The following KBTBD2 variants were observed in gnomAD, a reference collection of about 807,000 sequenced individuals.
KBTBD2 encodes the protein kelch repeat and BTB domain containing 2.
Under a neutral mutation model 57.1 loss-of-function variants are expected in KBTBD2, and 17 were observed. That is an observed-to-expected ratio of 0.30 (90% CI 0.20 to 0.45). The LOEUF (loss-of-function observed/expected upper bound fraction) is 0.45. Ranked by LOEUF, KBTBD2 falls within the 20% of genes least tolerant of loss-of-function variation. The pLI, the probability that KBTBD2 is intolerant of heterozygous loss-of-function variation, is 1.00. For synonymous variants in KBTBD2, 267 were observed against 262.7 expected (o/e 1.02, Z -0.16); for missense variants, 515 against 750.6 (o/e 0.69, Z 3.67).
chr7:32,884,296 T>C (rs1402866143), intron 1 of KBTBD2, among the ~76,000 whole-genome samples: 1 of 151,972 alleles, frequency 6.6e-6, no homozygotes, highest in East Asian at 1.9e-4. Context: ...GAGGGTACCT[T>C]GAGGCCAAGA....
rs1367967386 is a variant in KBTBD2 at position 32,868,605 on chromosome 7, G to C, written c.*740C>G. 1 of 152,582 alleles carries C rather than the reference G, an allele frequency of 6.6e-6. No individual in the cohort carries two copies. Among genetic ancestry groups the C allele is most frequent in the South Asian group, 2.1e-4 (1 of 4,824 alleles). The allele number at this position is 152,582 out of a possible 1,614,324, so 9.5% of individuals were successfully genotyped here. On this transcript the variant is annotated 3_prime_UTR_variant, in exon 4 of 4. Transcript: ENST00000304056. ...CCAATGTTAACATAATACAGAAAGTGGAGGCTTTTTCTGATTAAAGCTCCA... is the reference window on the plus strand; with the variant it reads ...CCAATGTTAACATAATACAGAAAGTCGAGGCTTTTTCTGATTAAAGCTCCA...
upstream of KBTBD2, chr7:32,891,884 C>CG (rs1784764141): frequency 7.9e-6 from 1 of 127,228 alleles, no homozygotes; most frequent in African/African-American, 3.0e-5. Context: ...GCCCGCCGCC[C>CG]CCGCCGCCCC....
rs1425719349 is a variant in KBTBD2, at chr7:32,869,814, C to T, written c.1403G>A (p.Gly468Asp). The T allele has an allele frequency of 6.2e-7, 1 of 1,613,808 alleles. No homozygotes were observed. Among genetic ancestry groups the T allele is most frequent in the Admixed American group, 1.7e-5 (1 of 60,012 alleles). Residue 468 changes from glycine to aspartate, a missense_variant, in exon 4 of 4, where the codon GGT becomes GAT. By Grantham distance (94) the Gly-to-Asp change is moderately conservative. Transcript: ENST00000304056. ...CCCTCCAATATAGAAAATTTTATCA[C>T]CAAAAGCTGCAGCTGAAGCAAAGGA... Reference protein sequence around the residue: ...SRSFASAAAFGDKIFYIGGLH... With the variant: ...SRSFASAAAFDDKIFYIGGLH...
chr7:32,882,756 G>A lies in KBTBD2; in HGVS notation c.-338-2814C>T, dbSNP rs532014189. ...CCCAGCACTTTGGGAGGCTGAGGTC[G>A]GTGGATCACTTGAGGTCAGGAGTTC... On this transcript the variant is annotated intron_variant, in intron 1 of 3. Transcript: ENST00000304056. 5.9e-5 allele frequency among the ~76,000 whole-genome samples: 9 copies of A among 152,256 alleles called. No homozygotes were observed. The East Asian group carries it at 7.7e-4, about 13-fold the overall frequency.
chr7:32,892,125 A>G (rs1784774979), upstream of KBTBD2: 3 of 151,524 alleles, frequency 2.0e-5, no homozygotes. Flanking sequence ...GCCGGATGCC[A>G]CCGGAAAGCC....
chr7:32,891,437 C>G (rs1237962997), intron 1 of KBTBD2, 99 bp downstream of exon 1: 1 of 150,668 alleles, frequency 6.6e-6, no homozygotes, highest in Non-Finnish European at 1.5e-5. Flanking sequence ...CGCCGAGCCA[C>G]AAAGGGCCGA....
intron 2 of KBTBD2, among the ~76,000 whole-genome samples, chr7:32,878,684 T>A (rs1186714206): frequency 1.8e-4 from 27 of 152,304 alleles, no homozygotes; most frequent in Middle Eastern, 3.4e-3. Context: ...CAGGTCCACA[T>A]TTAATTCACC....
Position 32,869,307 on chromosome 7 carries a change from A to C in KBTBD2, c.*38T>G, listed in dbSNP as rs1228910562. On this transcript the variant is annotated 3_prime_UTR_variant, in exon 4 of 4. Transcript: ENST00000304056. Reference sequence around the variant, plus strand: ...TTTTGTTTAGCAAAGAAAATGACAAAGCACATAACTCAGGCGTGCACTCCC... The same window carrying C: ...TTTTGTTTAGCAAAGAAAATGACAACGCACATAACTCAGGCGTGCACTCCC... 7.2e-7 allele frequency: 1 copy of C among 1,398,552 alleles called. No individual in the cohort carries two copies. Among genetic ancestry groups the C allele is most frequent in the Non-Finnish European group, 9.8e-7 (1 of 1,023,716 alleles). The allele number at this position is 1,398,552 out of a possible 1,614,324, so 86.6% of individuals were successfully genotyped here. A position where few individuals can be genotyped will look rare whatever the true frequency, so the allele number is the denominator to read the frequency against.
At position 32,869,674 on chromosome 7, in the gene KBTBD2, T is replaced by C. The variant is rs1583769603; in HGVS notation, c.1543A>G (p.Ile515Val). 1 of 1,614,040 alleles carries C rather than the reference T, an allele frequency of 6.2e-7. No homozygotes were observed. The highest frequency in any genetic ancestry group is 1.3e-5 in the African/African-American group (1 of 74,926). Residue 515 changes from isoleucine (I) to valine (V), a missense_variant, in exon 4 of 4, where the codon ATC becomes GTC. Coordinates refer to ENST00000304056, the MANE Select transcript of KBTBD2 (RefSeq NM_015483.3). Reference protein sequence around the residue: ...NKNEWKMAANIPAKRYSDPCV... With the variant: ...NKNEWKMAANVPAKRYSDPCV... ...GGGTCAGAGTACCTCTTAGCAGGGA[T>C]GTTGGCTGCCATTTTCCACTCATTT...
At chr7:32,873,211 A>G (rs1171594456) in intron 3 of KBTBD2, among the ~76,000 whole-genome samples, 1 of 152,192 alleles carries the variant, frequency 6.6e-6, no homozygotes, top group Non-Finnish European at 1.5e-5. Context: ...GGGGAAATAA[A>G]GAGTAAAACA....
intron 2 of KBTBD2, among the ~76,000 whole-genome samples, chr7:32,877,924 C>T (rs1784352608): frequency 6.6e-6 from 1 of 151,488 alleles, no homozygotes; most frequent in Non-Finnish European, 1.5e-5. Context: ...GCGTGGGCAA[C>T]ATGGTGAAAC....
rs1262068770 is a variant in KBTBD2, at chr7:32,868,769, C to T, written c.*576G>A. 6.5e-6 allele frequency: 1 copy of T among 152,726 alleles called. No homozygotes were observed. The highest frequency in any genetic ancestry group is 1.5e-5 in the Non-Finnish European group (1 of 68,132). The allele number at this position is 152,726 out of a possible 1,614,324, so 9.5% of individuals were successfully genotyped here. On this transcript the variant is annotated 3_prime_UTR_variant, in exon 4 of 4. Transcript: ENST00000304056. The stretch of plus-strand genomic sequence containing the variant: ...TAAGTTAGTGAAAAGAGAATACATG[C>T]ACCTAATAGTATAGTTAGACTGATC...
intron 1 of KBTBD2, among the ~76,000 whole-genome samples, chr7:32,881,263 A>C (rs1049519685): frequency 5.9e-5 from 9 of 152,154 alleles, no homozygotes; most frequent in Admixed American, 1.3e-4. Context: ...CAAAAAAAAA[A>C]ACCAAAATTC....
In KBTBD2 at chr7:32,870,262, A is replaced by G; in HGVS notation, c.955T>C (p.Tyr319His). ...AGAGGAACTTGACCCCCTGCTATGT[A>G]GATATCATTATCAGGAGTTACAACG... The part of the protein sequence containing the change: ...GTVVTPDNDI[Y>H]IAGGQVPLKN... The change falls in exon 4 of 4, where the codon TAC becomes CAC. Residue 319 changes from tyrosine (Y) to histidine (H), a missense_variant. Coordinates refer to ENST00000304056, the MANE Select transcript of KBTBD2 (RefSeq NM_015483.3). The G allele has an allele frequency of 6.2e-7, 1 of 1,614,172 alleles. No individual in the cohort carries two copies. The highest frequency in any genetic ancestry group is 1.7e-5 in the Admixed American group (1 of 60,030).
At chr7:32,887,651 A>C (rs923920458) in intron 1 of KBTBD2, among the ~76,000 whole-genome samples, 4 of 152,252 alleles carry the variant, frequency 2.6e-5, no homozygotes, top group African/African-American at 9.6e-5. Context: ...GGAGTGCTGC[A>C]TCTCCCAATG....
intron 1 of KBTBD2, among the ~76,000 whole-genome samples, chr7:32,889,399 G>A (rs1246811676): frequency 6.6e-6 from 1 of 152,004 alleles, no homozygotes; most frequent in African/African-American, 2.4e-5. Context: ...TCAGGAGCTC[G>A]AGACCAGCCT....
rs1784400542 is a variant in KBTBD2, at chr7:32,879,643, A to C, written c.-39T>G. Reference sequence around the variant, plus strand: ...TAATATCTCCAGGAACAGATTAGAAAAGTCCGTCTTACTGATGGAAGGTCA... The same window carrying C: ...TAATATCTCCAGGAACAGATTAGAACAGTCCGTCTTACTGATGGAAGGTCA... On this transcript the variant is annotated 5_prime_UTR_variant, in exon 2 of 4. Transcript: ENST00000304056. 3.2e-6 allele frequency: 5 copies of C among 1,568,438 alleles called. No individual in the cohort carries two copies. The highest frequency in any genetic ancestry group is 4.4e-6 in the Non-Finnish European group (5 of 1,146,684).
Position 32,869,173 on chromosome 7 carries a change from AAG to A in KBTBD2, c.*170_*171del, listed in dbSNP as rs1327595436. 2 of 540,066 alleles carry A rather than the reference AAG, an allele frequency of 3.7e-6. No homozygotes were observed. Among genetic ancestry groups the A allele is most frequent in the African/African-American group, 3.8e-5 (2 of 52,958 alleles). 33.5% of individuals were successfully genotyped at this position (540,066 alleles called of 1,614,324 possible). A position where few individuals can be genotyped will look rare whatever the true frequency, so the allele number is the denominator to read the frequency against. On this transcript the variant is annotated 3_prime_UTR_variant, in exon 4 of 4. Transcript: ENST00000304056. ...ATATTATGGAAGCATATCTTTCTGTAAGACTCACTGATATATATTATACTGAT... is the reference window on the plus strand; with the variant it reads ...ATATTATGGAAGCATATCTTTCTGTAACTCACTGATATATATTATACTGAT...
rs758713948 is a variant in KBTBD2, at chr7:32,870,401, A to C, written c.816T>G (p.Ile272Met). Reference sequence around the variant, plus strand: ...TACAAGGATTTTCTGAAGATGCTTCAATGAAAATCATCATTTCCTCTTTAG... The same window carrying C: ...TACAAGGATTTTCTGAAGATGCTTCCATGAAAATCATCATTTCCTCTTTAG... Reference protein sequence around the residue: ...GMTKEEMMIFIEASSENPCSL... With the variant: ...GMTKEEMMIFMEASSENPCSL... Residue 272 changes from isoleucine to methionine, a missense_variant, in exon 4 of 4, where the codon ATT (isoleucine) becomes ATG (methionine). By Grantham distance (10) the Ile-to-Met change is conservative. Coordinates refer to ENST00000304056, the MANE Select transcript of KBTBD2 (RefSeq NM_015483.3). 6.2e-7 allele frequency: 1 copy of C among 1,613,906 alleles called. No individual in the cohort carries two copies. Among genetic ancestry groups the C allele is most frequent in the Non-Finnish European group, 8.5e-7 (1 of 1,179,898 alleles).
Sources: allele counts gnomAD v4.1 joint callset (sites outside exome capture counted in the v4.1 genomes callset), GRCh38; gene constraint gnomAD v4.1.1; transcripts MANE v1.5; gene names NCBI Gene and HGNC (gene_info 2026-07-23, HGNC 2026-07-21).